Variants in GNA14 observed in about 807,000 individuals in gnomAD.
The protein encoded by GNA14 is guanine nucleotide-binding protein subunit alpha-14.
In GNA14, 50 loss-of-function variants were observed where a neutral mutation model predicts 42.0. That is an observed-to-expected ratio of 1.19 (90% CI 0.95 to 1.51). The LOEUF (loss-of-function observed/expected upper bound fraction) is 1.51, where lower values mean the gene tolerates loss of function less well. GNA14 is among the 40% of genes most tolerant of loss of function. GNA14 has a pLI of 0.00. For synonymous variants in GNA14, 173 were observed against 163.1 expected, an observed-to-expected ratio of 1.06 and a Z score of -0.46; for missense variants, 473 against 446.2, an observed-to-expected ratio of 1.06 and a Z score of -0.54.
At chr9:77,619,268 G>A (rs1286838639) in intron 1 of GNA14, among the ~76,000 whole-genome samples, 4 of 152,136 alleles carry the variant, frequency 2.6e-5, no homozygotes, top group African/African-American at 9.7e-5. Flanking sequence ...GTGCAATGGA[G>A]CAATCTCAGT....
chr9:77,564,986 T>C (rs1822944132), intron 1 of GNA14, among the ~76,000 whole-genome samples: 1 of 152,160 alleles, frequency 6.6e-6, no homozygotes, highest in Admixed American at 6.5e-5. Flanking sequence ...TCTATGAAAA[T>C]ACAAATACAT....
At chr9:77,594,231 T>C (rs1823431189) in intron 1 of GNA14, among the ~76,000 whole-genome samples, 1 of 152,192 alleles carries the variant, frequency 6.6e-6, no homozygotes, top group Admixed American at 6.5e-5. Context: ...ATTCAGAGGC[T>C]GGGGCAGGCC....
intron 2 of GNA14, among the ~76,000 whole-genome samples, chr9:77,454,443 C>G (rs1835965143): frequency 6.6e-6 from 1 of 152,180 alleles, no homozygotes; most frequent in African/African-American, 2.4e-5. Context: ...GTCTCCTGCT[C>G]TCCTGTGGCT....
chr9:77,644,406 CTG>C (rs1472079241), intron 1 of GNA14, among the ~76,000 whole-genome samples: 1 of 122,612 alleles, frequency 8.2e-6, no homozygotes, highest in East Asian at 2.8e-4. Flanking sequence ...GAAGCCGTGA[CTG>C]TATTACTGAA....
At chr9:77,469,534 CAA>C (rs11406003) in intron 2 of GNA14, among the ~76,000 whole-genome samples, 4 of 144,864 alleles carry the variant, frequency 2.8e-5, no homozygotes, top group Non-Finnish European at 4.6e-5. Context: ...GACTGACAAC[CAA>C]AAAAAAAAAA....
chr9:77,493,003 G>GAA (rs56355394), intron 2 of GNA14, among the ~76,000 whole-genome samples: 14 of 39,834 alleles, frequency 3.5e-4, no homozygotes, highest in Admixed American at 9.9e-4. Context: ...TCCGTCTCAG[G>GAA]AAAAAAAAAA....
intron 1 of GNA14, among the ~76,000 whole-genome samples, chr9:77,599,472 C>T (rs1006841787): frequency 6.6e-6 from 1 of 152,182 alleles, no homozygotes; most frequent in Non-Finnish European, 1.5e-5. Flanking sequence ...GGACTGAACC[C>T]GGCCCAGTGG....
intron 1 of GNA14, among the ~76,000 whole-genome samples, chr9:77,599,066 A>C (rs756714211): frequency 2.0e-5 from 3 of 152,194 alleles, no homozygotes; most frequent in African/African-American, 4.8e-5. Context: ...AAAATATATA[A>C]ACACTCTACT....
intron 2 of GNA14, among the ~76,000 whole-genome samples, chr9:77,464,377 G>GTGTGTGTGTGTGTGTGTGTA (rs1836181781): frequency 1.1e-4 from 17 of 150,412 alleles, no homozygotes; most frequent in Admixed American, 5.3e-4. Context: ...GTGTGTGTGT[G>GTGTGTGTGTGTGTGTGTGTA]TGTGTGTGTG....
Position 77,575,390 on chromosome 9 carries a change from A to T in GNA14, c.125-46137T>A, listed in dbSNP as rs550004283. Among the ~76,000 whole-genome samples the T allele has an allele frequency of 3.6e-3, 552 of 152,338 alleles. 4 individuals carry two copies. The highest frequency in any genetic ancestry group is 0.013 in the African/African-American group (533 of 41,578). On this transcript the variant is annotated intron_variant, in intron 1 of 6. Transcript: ENST00000341700. ...AGAGTGAAACTCCATCTCAAAAAAA[A>T]GAAAGAAAACTAGACATTACACATT... is the stretch of plus-strand genomic sequence containing the variant.
chr9:77,498,691 T>G (rs1836916638), intron 2 of GNA14, among the ~76,000 whole-genome samples: 2 of 152,228 alleles, frequency 1.3e-5, no homozygotes, highest in Admixed American at 6.5e-5. Context: ...TCAGTCGGTC[T>G]TGATTTTGAT....
intron 2 of GNA14, among the ~76,000 whole-genome samples, chr9:77,506,802 T>A (rs1837078029): frequency 6.6e-6 from 1 of 152,222 alleles, no homozygotes; most frequent in Non-Finnish European, 1.5e-5. Flanking sequence ...AACAGCCACA[T>A]GGGGCTAGTC....
intron 2 of GNA14, among the ~76,000 whole-genome samples, chr9:77,477,974 G>A (rs1047522594): frequency 6.7e-6 from 1 of 149,998 alleles, no homozygotes; most frequent in African/African-American, 2.4e-5. Context: ...GCGATCTGAT[G>A]GGAGTTTAGA....
intron 3 of GNA14, among the ~76,000 whole-genome samples, chr9:77,432,600 G>C (rs1025011787): frequency 2.6e-5 from 4 of 152,128 alleles, no homozygotes; most frequent in African/African-American, 9.7e-5. Context: ...TGGCCCAGAT[G>C]GAGAAAACGT....
intron 5 of GNA14, among the ~76,000 whole-genome samples, chr9:77,428,434 G>A (rs1266508642): frequency 3.9e-5 from 6 of 152,048 alleles, no homozygotes; most frequent in African/African-American, 1.5e-4. Context: ...CACCAAGGAT[G>A]AGAACCTAGG....
At chr9:77,632,833 A>C (rs1230829619) in intron 1 of GNA14, among the ~76,000 whole-genome samples, 2 of 152,088 alleles carry the variant, frequency 1.3e-5, no homozygotes, top group Admixed American at 6.6e-5. Context: ...ACCCCTCACT[A>C]TTCCATGCCT....
intron 2 of GNA14, among the ~76,000 whole-genome samples, chr9:77,461,333 G>A (rs1358449334): frequency 6.6e-6 from 1 of 152,196 alleles, no homozygotes; most frequent in East Asian, 1.9e-4. Context: ...AAGATCCCGG[G>A]TAGTTCATTT....
chr9:77,476,475 C>T (rs1481858332), intron 2 of GNA14, among the ~76,000 whole-genome samples: 1 of 152,174 alleles, frequency 6.6e-6, no homozygotes, highest in Non-Finnish European at 1.5e-5. Flanking sequence ...AATCGTAAAG[C>T]TCCCACACAG....
intron 2 of GNA14, among the ~76,000 whole-genome samples, chr9:77,472,844 G>A (rs766917927): frequency 1.1e-4 from 17 of 149,528 alleles, no homozygotes; most frequent in South Asian, 4.2e-4. Flanking sequence ...CAAAGAAGAG[G>A]TCATGTGAAC....
Sources: allele counts gnomAD v4.1 joint callset (sites outside exome capture counted in the v4.1 genomes callset), GRCh38; gene constraint gnomAD v4.1.1; transcripts MANE v1.5; gene names NCBI Gene and HGNC (gene_info 2026-07-23, HGNC 2026-07-21).